SPAG5: variants seen among roughly 807,000 people sequenced by gnomAD.
SPAG5 encodes sperm associated antigen 5.
A neutral mutation model predicts 145.4 loss-of-function variants in SPAG5; 99 were observed. The observed-to-expected ratio is 0.68, with a 90% confidence interval of 0.58 to 0.80. The LOEUF (loss-of-function observed/expected upper bound fraction) is 0.80, where lower values mean the gene tolerates loss of function less well. Ranked by LOEUF, SPAG5 falls within the 30% of genes least tolerant of loss-of-function variation. The pLI is 0.00. For missense variants in SPAG5, 1,192 were observed against 1,416.0 expected, an observed-to-expected ratio of 0.84 and a Z score of 2.54; for synonymous variants, 477 against 525.4, an observed-to-expected ratio of 0.91 and a Z score of 1.26.
At chr17:28,584,868 G>T (rs1435931374) in intron 10 of SPAG5, 123 bp from the exon 11 acceptor site, 1 of 842,724 alleles carries the variant, frequency 1.2e-6, no homozygotes, top group Admixed American at 2.2e-5. Context: ...CAACATTGCA[G>T]AAAATAAGGT....
chr17:28,584,023 G>T, intron 13 of SPAG5, 37 bp from the exon 14 acceptor site: 1 of 1,613,170 alleles, frequency 6.2e-7, no homozygotes. Context: ...CAGGGAGGGA[G>T]AATTTTAGTG....
intron 2 of SPAG5, among the ~76,000 whole-genome samples, chr17:28,595,823 A>T (rs2070660829): frequency 6.6e-6 from 1 of 152,128 alleles, no homozygotes; most frequent in African/African-American, 2.4e-5. Flanking sequence ...AGGCAGGCAG[A>T]TCACGAGGTC....
At chr17:28,588,828 T>C (rs1471168814) in intron 4 of SPAG5, among the ~76,000 whole-genome samples, 1 of 150,346 alleles carries the variant, frequency 6.7e-6, no homozygotes, top group Non-Finnish European at 1.5e-5. Context: ...ATTACAGGAG[T>C]GCACTACCAT....
chr17:28,586,173 C>G lies in SPAG5; in HGVS notation c.1522G>C (p.Val508Leu). Residue 508 changes from valine (V) to leucine (L), a missense_variant, in exon 6 of 24, where the codon GTG (valine) becomes CTG (leucine). Around this residue, in one of 5 missense-constraint regions of SPAG5, gnomAD observed 709 missense variants for 840.7 expected, o/e 0.84. Transcript: ENST00000321765. ...GATATCAGCTCTTTAGAGATAAGCA[C>G]CCATGATTGCTGTAGAGAAAAAAAT... Reference protein sequence around the residue: ...QQARNVMQSWVLISKELISLL... With the variant: ...QQARNVMQSWLLISKELISLL... 1 of 1,613,550 alleles carries G rather than the reference C, an allele frequency of 6.2e-7. No individual in the cohort carries two copies. The highest frequency in any genetic ancestry group is 1.1e-5 in the South Asian group (1 of 91,054).
rs766414538 is a variant in SPAG5, at chr17:28,598,678, G to T, written c.52-43C>A. On this transcript the variant is annotated intron_variant, in intron 1 of 23. Transcript: ENST00000321765. Reference sequence around the variant, plus strand: ...AAAGAGGGCGAGTGTGAGGAAGCCTGGGTTCTGCCAGCCCGCCCCTCCTCC... The same window carrying T: ...AAAGAGGGCGAGTGTGAGGAAGCCTTGGTTCTGCCAGCCCGCCCCTCCTCC... The T allele has an allele frequency of 5.1e-6, 8 of 1,564,938 alleles. No individual in the cohort carries two copies. The Admixed American group carries it at 1.3e-4, about 25-fold the overall frequency.
intron 17 of SPAG5, 109 bp downstream of exon 17, chr17:28,579,633 AAATGAGCCC>A (rs1269687735): frequency 1.4e-6 from 2 of 1,386,512 alleles, no homozygotes; most frequent in Non-Finnish European, 1.0e-6. Context: ...GGCAGAAATA[AAATGAGCCC>A]AAGTAGAATT....
chr17:28,585,008 G>T, intron 10 of SPAG5, 94 bp downstream of exon 10: 2 of 1,237,562 alleles, frequency 1.6e-6, no homozygotes, highest in Non-Finnish European at 2.4e-6. Flanking sequence ...CAAACCCACA[G>T]GGTGAAAAGA....
intron 11 of SPAG5, 65 bp from the exon 12 acceptor site, chr17:28,584,545 TC>T: frequency 6.2e-7 from 1 of 1,611,242 alleles, no homozygotes; most frequent in Non-Finnish European, 8.5e-7. Context: ...AAACTTCTGC[TC>T]CAAAGCAAGT....
intron 15 of SPAG5, among the ~76,000 whole-genome samples, chr17:28,581,314 C>T (rs185769482): frequency 1.8e-4 from 27 of 152,250 alleles, no homozygotes; most frequent in African/African-American, 4.3e-4. Context: ...CTTGTGGCTG[C>T]GGCTGCTAAC....
chr17:28,583,210 T>C (rs996778899), intron 15 of SPAG5, among the ~76,000 whole-genome samples: 4 of 152,130 alleles, frequency 2.6e-5, no homozygotes, highest in African/African-American at 9.7e-5. Flanking sequence ...AGGATTTTAA[T>C]AGAAAAGGCA....
chr17:28,578,129 A>C (rs758859343), intron 22 of SPAG5, 39 bp from the exon 23 acceptor site: 1 of 1,611,576 alleles, frequency 6.2e-7, no homozygotes, highest in Non-Finnish European at 8.5e-7. Context: ...TATGCATAAA[A>C]GAGCAAACTT....
rs942127722 is a variant in SPAG5, at chr17:28,591,707, A to T, written c.1428T>A (p.Ser476=). 8.7e-6 allele frequency: 14 copies of T among 1,607,306 alleles called. No individual in the cohort carries two copies. The highest frequency in any genetic ancestry group is 1.2e-5 in the Non-Finnish European group (14 of 1,175,454). The change falls in exon 4 of 24, where the codon TCT becomes TCA. Residue 476 remains serine (S), a synonymous_variant. Coordinates refer to ENST00000321765, the MANE Select transcript of SPAG5 (RefSeq NM_006461.4). The part of the protein sequence containing the change: ...TQDSSTQTDT[S]HSGITNKLQH... ...AGAGGAACCTTCTTACCCCACTGTG[A>T]GATGTGTCAGTCTGTGTGCTACTGT...
rs2070582725 is a variant in SPAG5, at chr17:28,585,977, C to G, written c.1627G>C (p.Val543Leu). The G allele has an allele frequency of 1.2e-6, 2 of 1,614,238 alleles. No homozygotes were observed. Among genetic ancestry groups the G allele is most frequent in the Non-Finnish European group, 1.7e-6 (2 of 1,180,044 alleles). ...SQESRRAETL[V>L]CCCFDLLKKL... ...TTCAGCAAATCAAAACAGCAACAGA[C>G]CAATGTTTCTGCACGCCGAGACTAT... The change falls in exon 7 of 24, where the codon GTC becomes CTC. Residue 543 changes from valine (V) to leucine (L), a missense_variant. Val to Leu is a conservative substitution (Grantham distance 32). Transcript: ENST00000321765.
At position 28,592,605 on chromosome 17, in the gene SPAG5, T is replaced by C. The variant is rs746547792; in HGVS notation, c.639A>G (p.Gln213=). 10 of 1,614,174 alleles carry C rather than the reference T, an allele frequency of 6.2e-6. No individual in the cohort carries two copies. Among genetic ancestry groups the C allele is most frequent in the East Asian group, 2.2e-5 (1 of 44,894 alleles). ...TCAGGCTTTCCTTGGAGCAATGTAGTTGTTCAGAACAGGGATTTGGTGGAG... is the reference window on the plus strand; with the variant it reads ...TCAGGCTTTCCTTGGAGCAATGTAGCTGTTCAGAACAGGGATTTGGTGGAG... ...EESPPNPCSE[Q]LHCSKESLSS... is the part of the protein sequence containing the mutation. The change falls in exon 3 of 24, where the codon CAA becomes CAG. Residue 213 remains glutamine, a synonymous_variant. Coordinates refer to ENST00000321765, the MANE Select transcript of SPAG5 (RefSeq NM_006461.4).
In SPAG5 at chr17:28,585,611, G is replaced by A. The variant is rs763683439; in HGVS notation, c.1783C>T (p.Arg595Cys). ...LEAFCAHASQ[R>C]ISQLEQDLAS... ...AGGTCCTGTTCCAGCTGGCTGATGC[G>A]CTGGCTGGCGTGTGCACAGAAAGCC... Residue 595 changes from arginine (R) to cysteine (C), a missense_variant, in exon 8 of 24, where the codon CGC (arginine) becomes TGC (cysteine). By Grantham distance (180) the Arg-to-Cys change is radical (BLOSUM62 -3). Around this residue, in one of 5 missense-constraint regions of SPAG5, gnomAD observed 709 missense variants for 840.7 expected, o/e 0.84. Coordinates refer to ENST00000321765, the MANE Select transcript of SPAG5 (RefSeq NM_006461.4). 31 of 1,613,936 alleles carry A rather than the reference G, an allele frequency of 1.9e-5. No homozygotes were observed. The highest frequency in any genetic ancestry group is 4.4e-5 in the South Asian group (4 of 91,076).
At position 28,584,422 on chromosome 17, in the gene SPAG5, CTG is replaced by C; in HGVS notation, c.2218_2219del (p.Gln740GlufsTer15). 1 of 1,614,166 alleles carries C rather than the reference CTG, an allele frequency of 6.2e-7. No homozygotes were observed. Among genetic ancestry groups the C allele is most frequent in the Non-Finnish European group, 8.5e-7 (1 of 1,180,042 alleles). On this transcript the variant is annotated frameshift_variant, in exon 12 of 24. Coordinates refer to ENST00000321765, the MANE Select transcript of SPAG5 (RefSeq NM_006461.4). LOFTEE classifies it high-confidence loss of function. Reference protein sequence around the residue: ...ANMDSQLKELQSQHTHCAQDL... With the variant: ...ANMDSQLKELXSQHTHCAQDL... ...CCTGGGCACAATGGGTATGCTGACT[CTG>C]TAGCTCTTTTAGCTGGCTGTCCATG...
chr17:28,598,365 G>T, intron 2 of SPAG5, 145 bp downstream of exon 2: 1 of 998,532 alleles, frequency 1.0e-6, no homozygotes, highest in Non-Finnish European at 1.4e-6. Flanking sequence ...GCACCTCTCT[G>T]TTGGCCTGAA....
intron 15 of SPAG5, chr17:28,580,652 A>G (rs2070544270): frequency 6.6e-6 from 1 of 152,266 alleles, no homozygotes. Context: ...CTTCCAGGAC[A>G]TGAGTCTCTC....
intron 4 of SPAG5, among the ~76,000 whole-genome samples, chr17:28,588,279 A>T (rs1481449142): frequency 6.6e-6 from 1 of 152,212 alleles, no homozygotes; most frequent in African/African-American, 2.4e-5. Context: ...TGGCATGCTG[A>T]TGGAGAATGG....
Sources: gnomAD v4.1 joint callset for allele counts (sites outside exome capture counted in the v4.1 genomes callset) on GRCh38, gnomAD v4.1.1 for gene constraint, gnomAD v4.1.1 regional missense constraint, MANE v1.5 for transcripts, NCBI Gene and HGNC (gene_info 2026-07-23, HGNC 2026-07-21) for gene names.